The following PDE12 variants were observed in gnomAD, a reference collection of about 807,000 sequenced individuals.
PDE12 encodes 2',5'-phosphodiesterase 12.
A neutral mutation model predicts 45.4 loss-of-function variants in PDE12; 26 were observed. That is an observed-to-expected ratio of 0.57 (90% CI 0.42 to 0.79). PDE12 has a LOEUF of 0.79. Among genes scored for constraint, PDE12 ranks in the 30% least tolerant of loss-of-function variants. The probability of loss-of-function intolerance (pLI) is 0.00; values close to 1 mark genes in which losing one functional copy is unlikely to be tolerated. For missense variants in PDE12, 668 were observed against 790.0 expected, an observed-to-expected ratio of 0.85 and a Z score of 1.85; for synonymous variants, 283 against 323.9, an observed-to-expected ratio of 0.87 and a Z score of 1.36.
chr3:57,610,522 GC>G, the PDE12 span, among the ~76,000 whole-genome samples: 1 of 125,520 alleles, frequency 8.0e-6, no homozygotes, highest in South Asian at 3.2e-4. Context: ...AACCTGATAG[GC>G]AACTTCAGCA....
the PDE12 span, among the ~76,000 whole-genome samples, chr3:57,638,756 C>A: frequency 6.6e-6 from 1 of 151,700 alleles, no homozygotes; most frequent in Non-Finnish European, 1.5e-5. Flanking sequence ...GAAAATGAAA[C>A]CCACAATAAA....
At chr3:57,621,092 A>T in the PDE12 span, among the ~76,000 whole-genome samples, 1 of 152,210 alleles carries the variant, frequency 6.6e-6, no homozygotes, top group Non-Finnish European at 1.5e-5. Context: ...TAATCAAGCA[A>T]TGTGGTACTG....
Position 57,556,484 on chromosome 3 carries a change from G to C in PDE12, c.105G>C (p.Met35Ile), listed in dbSNP as rs767104837. The C allele has an allele frequency of 4.3e-6, 7 of 1,612,878 alleles. No individual in the cohort carries two copies. In the Admixed American group the frequency reaches 1.2e-4, roughly 27 times the overall value. Reference protein sequence around the residue: ...EAGSQTAAGAMERAVVRCVPS... With the variant: ...EAGSQTAAGAIERAVVRCVPS... The stretch of plus-strand genomic sequence containing the variant: ...GGAGCCAGACAGCGGCGGGAGCGAT[G>C]GAGCGCGCTGTAGTGCGCTGCGTAC... The change falls in exon 1 of 3, where the codon ATG becomes ATC. Residue 35 changes from methionine (M) to isoleucine (I), a missense_variant. Physicochemically the swap from Met to Ile is conservative, Grantham distance 10 (BLOSUM62 1). This residue lies in a region of PDE12 where 580 missense variants were observed against 662.9 expected (regional missense o/e 0.87). Coordinates refer to ENST00000311180, the MANE Select transcript of PDE12 (RefSeq NM_177966.7). The surrounding 1 kb of genome is among the most constrained non-coding windows in gnomAD (Gnocchi z 5.0).
Position 57,561,274 on chromosome 3 carries a change from T to C in PDE12, c.*1270T>C, listed in dbSNP as rs943658499. On this transcript the variant is annotated 3_prime_UTR_variant, in exon 3 of 3. Transcript: ENST00000311180. ...GAAATTTTGGATGAATCATTGAGCA[T>C]TTCTACACTAGAAGTAATTTCAAAA... The C allele has an allele frequency of 3.0e-6, 3 of 985,508 alleles. No homozygotes were observed. The highest frequency in any genetic ancestry group is 9.4e-5 in the South Asian group (2 of 21,298). 61.0% of individuals were successfully genotyped at this position (985,508 alleles called of 1,614,324 possible). A position where few individuals can be genotyped will look rare whatever the true frequency, so the allele number is the denominator to read the frequency against.
the PDE12 span, chr3:57,628,023 C>G: frequency 3.0e-6 from 2 of 667,030 alleles, no homozygotes; most frequent in Admixed American, 7.3e-5. Flanking sequence ...GGAACCACCA[C>G]AGATATCCAC....
the PDE12 span, among the ~76,000 whole-genome samples, chr3:57,574,810 G>C: frequency 6.6e-6 from 1 of 152,030 alleles, no homozygotes; most frequent in South Asian, 2.1e-4. Context: ...CTTGAGTCCA[G>C]GAGTTCAAGA....
chr3:57,578,539 G>A, the PDE12 span, among the ~76,000 whole-genome samples: 1 of 152,018 alleles, frequency 6.6e-6, no homozygotes, highest in Admixed American at 6.6e-5. Context: ...GAGCACAGTA[G>A]CACAATCTTG....
chr3:57,573,016 C>G, the PDE12 span, among the ~76,000 whole-genome samples: 7 of 151,930 alleles, frequency 4.6e-5, no homozygotes, highest in Admixed American at 1.3e-4. Context: ...TCCTGGCTAA[C>G]GCAGTGAAAC....
In PDE12 at chr3:57,556,696, C is replaced by G. The variant is rs781217207; in HGVS notation, c.317C>G (p.Ala106Gly). 6.3e-7 allele frequency: 1 copy of G among 1,594,488 alleles called. No individual in the cohort carries two copies. The highest frequency in any genetic ancestry group is 2.2e-5 in the East Asian group (1 of 44,578). Residue 106 changes from alanine (A) to glycine (G), a missense_variant, in exon 1 of 3, where the codon GCG (alanine) becomes GGG (glycine). Physicochemically the swap from Ala to Gly is moderately conservative, Grantham distance 60. Coordinates refer to ENST00000311180, the MANE Select transcript of PDE12 (RefSeq NM_177966.7). The surrounding 1 kb of genome is among the most constrained non-coding windows in gnomAD (Gnocchi z 5.0). ...AGCCGGCCGAATGCTAGCGGCGGTG[C>G]GGCCTGTTCAGGGCCGGGGCCTGAG... is the stretch of plus-strand genomic sequence containing the variant. ...RKSRPNASGG[A>G]ACSGPGPEPA...
At chr3:57,642,542 T>A in the PDE12 span, among the ~76,000 whole-genome samples, 1 of 152,090 alleles carries the variant, frequency 6.6e-6, no homozygotes, top group Non-Finnish European at 1.5e-5. Flanking sequence ...GAGTTTAGCA[T>A]TCCTGGAGCA....
chr3:57,605,566 C>T, the PDE12 span, among the ~76,000 whole-genome samples: 1 of 152,062 alleles, frequency 6.6e-6, no homozygotes, highest in Non-Finnish European at 1.5e-5. Flanking sequence ...TTATAAAAAA[C>T]CTGAAAAGAT....
the PDE12 span, among the ~76,000 whole-genome samples, chr3:57,644,120 C>G: frequency 6.7e-6 from 1 of 149,670 alleles, no homozygotes; most frequent in East Asian, 2.0e-4. Context: ...ATTGCACTCC[C>G]TCCTGGATGA....
At chr3:57,595,984 T>A in the PDE12 span, among the ~76,000 whole-genome samples, 19 of 150,874 alleles carry the variant, frequency 1.3e-4, no homozygotes, top group African/African-American at 4.1e-4. Context: ...AAATAAAACC[T>A]CCTCCGGTAG....
chr3:57,638,450 G>C, the PDE12 span, among the ~76,000 whole-genome samples: 1 of 151,862 alleles, frequency 6.6e-6, no homozygotes, highest in Admixed American at 6.6e-5. Context: ...CTGAGGTCAG[G>C]AGTTCGAGAC....
chr3:57,627,032 A>C, the PDE12 span: 1 of 152,316 alleles, frequency 6.6e-6, no homozygotes, highest in African/African-American at 2.4e-5. Flanking sequence ...TGAAATAAGA[A>C]TAGTTCAGTT....
At chr3:57,634,495 C>T in the PDE12 span, 9 of 923,752 alleles carry the variant, frequency 9.7e-6, no homozygotes, top group East Asian at 5.9e-5. Context: ...GGACATATTG[C>T]GTAACTGGAT....
chr3:57,567,193 T>G (rs143368728), downstream of PDE12, among the ~76,000 whole-genome samples: 797 of 152,026 alleles, frequency 5.2e-3, 3 homozygotes, highest in Middle Eastern at 0.01. Flanking sequence ...ACGCCTGTAG[T>G]CCCAGCTAAT....
the PDE12 span, chr3:57,626,983 AC>A: frequency 6.6e-6 from 1 of 152,156 alleles, no homozygotes; most frequent in South Asian, 2.1e-4. Context: ...TCTTATCATC[AC>A]TCAAATAAGT....
At position 57,564,822 on chromosome 3, in the gene PDE12, A is replaced by C. The variant is rs1281106419; in HGVS notation, c.*4818A>C. ...GCTGGGACTACAGGTGCGCACCGCC[A>C]CACCTGGCTAATTTTTGTATATTTT... is the stretch of plus-strand genomic sequence containing the variant. On this transcript the variant is annotated 3_prime_UTR_variant, in exon 3 of 3. Transcript: ENST00000311180. The C allele has an allele frequency of 6.8e-6, 1 of 147,414 alleles. No homozygotes were observed. Among genetic ancestry groups the C allele is most frequent in the African/African-American group, 2.5e-5 (1 of 39,900 alleles). 9.1% of individuals were successfully genotyped at this position (147,414 alleles called of 1,614,324 possible). A position where few individuals can be genotyped will look rare whatever the true frequency, so the allele number is the denominator to read the frequency against.
Sources: gnomAD v4.1 joint callset for allele counts (sites outside exome capture counted in the v4.1 genomes callset) on GRCh38, gnomAD v4.1.1 for gene constraint, gnomAD v4.1.1 regional missense constraint, Gnocchi (gnomAD v3.1) non-coding constraint, MANE v1.5 for transcripts, NCBI Gene and HGNC (gene_info 2026-07-23, HGNC 2026-07-21) for gene names.